Variants in CNNM3 observed in about 807,000 individuals in gnomAD.
The protein encoded by CNNM3 is metal transporter CNNM3.
In CNNM3, 47 loss-of-function variants were observed where a neutral mutation model predicts 57.1. The observed-to-expected ratio is 0.82, with a 90% confidence interval of 0.65 to 1.05. The LOEUF is 1.05. Ranked by LOEUF, CNNM3 falls within the 50% of genes least tolerant of loss-of-function variation. The pLI is 0.00. For missense variants in CNNM3, 957 were observed against 973.7 expected (o/e 0.98, Z 0.23); for synonymous variants, 507 against 478.2 (o/e 1.06, Z -0.79).
At chr2:96,837,109 T>G (rs2079700026), downstream of CNNM3, 1 of 152,234 alleles carries the variant, frequency 6.6e-6, no homozygotes, top group African/African-American at 2.4e-5. Context: ...GCACTCTTGG[T>G]TCACATAGCT....
chr2:96,837,434 T>C (rs1193450508), downstream of CNNM3: 1 of 152,246 alleles, frequency 6.6e-6, no homozygotes, highest in African/African-American at 2.4e-5. Context: ...GTATTTCCCT[T>C]TTTCAGCAAT....
At chr2:96,825,691 G>A (rs1397130285) in intron 2 of CNNM3, among the ~76,000 whole-genome samples, 1 of 141,432 alleles carries the variant, frequency 7.1e-6, no homozygotes, top group East Asian at 1.9e-4. Context: ...TCACGAGATC[G>A]GGAGTTCGAG....
At chr2:96,826,734 TG>T in intron 2 of CNNM3, 98 bp from the exon 3 acceptor site, 1 of 1,441,996 alleles carries the variant, frequency 6.9e-7, no homozygotes, top group Non-Finnish European at 9.5e-7. Context: ...GAGGACCCCC[TG>T]GCCTCAGGAG....
Position 96,816,554 on chromosome 2 carries a change from C to G in CNNM3, c.277C>G (p.Pro93Ala). 1 of 1,321,680 alleles carries G rather than the reference C, an allele frequency of 7.6e-7. No homozygotes were observed. The highest frequency in any genetic ancestry group is 9.6e-7 in the Non-Finnish European group (1 of 1,039,086). The allele number at this position is 1,321,680 out of a possible 1,614,324, so 81.9% of individuals were successfully genotyped here. The change falls in exon 1 of 8, where the codon CCC becomes GCC. Residue 93 changes from proline (P) to alanine (A), a missense_variant. Physicochemically the swap from Pro to Ala is conservative, Grantham distance 27 (BLOSUM62 -1). Transcript: ENST00000305510. ...GAGCREEAASPAGEWRALLRL... is the reference protein window; with the variant it reads ...GAGCREEAASAAGEWRALLRL... Reference sequence around the variant, plus strand: ...GGGCTGCCGGGAGGAGGCGGCCTCCCCCGCGGGCGAGTGGCGCGCGCTGCT... The same window carrying G: ...GGGCTGCCGGGAGGAGGCGGCCTCCGCCGCGGGCGAGTGGCGCGCGCTGCT...
chr2:96,836,260 G>A (rs909891864), downstream of CNNM3, among the ~76,000 whole-genome samples: 6 of 91,480 alleles, frequency 6.6e-5, no homozygotes, highest in Non-Finnish European at 8.9e-5. Flanking sequence ...TTTTTTTTTT[G>A]AGATGTAGTT....
At chr2:96,825,246 A>G in intron 2 of CNNM3, 45 bp downstream of exon 2, 2 of 1,606,130 alleles carry the variant, frequency 1.2e-6, no homozygotes, top group Admixed American at 1.7e-5. Context: ...GGGCCTGCAC[A>G]CTTCCCCAGG....
rs754340520 is a variant in CNNM3 at position 96,825,208 on chromosome 2, C to A, written c.1369+7C>A. The A allele has an allele frequency of 1.3e-5, 21 of 1,613,874 alleles. No homozygotes were observed. The highest frequency in any genetic ancestry group is 3.3e-4 in the Middle Eastern group (2 of 6,060). ...GACGAGTCTGAAGACTACCGTGAGT[C>A]CAGACTCTTGGCAGTTCTGTCTCCG... is the stretch of plus-strand genomic sequence containing the variant. On this transcript the variant is annotated splice_region_variant and intron_variant, in intron 2 of 7. Transcript: ENST00000305510.
chr2:96,817,001 G>A lies in CNNM3; in HGVS notation c.724G>A (p.Ala242Thr). The A allele has an allele frequency of 4.4e-6, 6 of 1,367,994 alleles. No individual in the cohort carries two copies. Among genetic ancestry groups the A allele is most frequent in the East Asian group, 7.3e-5 (2 of 27,278 alleles). 84.7% of individuals were successfully genotyped at this position (1,367,994 alleles called of 1,614,324 possible). A position where few individuals can be genotyped will look rare whatever the true frequency, so the allele number is the denominator to read the frequency against. ...CCTGGTGGGAGAGGTGGTGCCGGCCGCCGTGAGCGGGCGCTGGACGCTGGC... is the reference window on the plus strand; with the variant it reads ...CCTGGTGGGAGAGGTGGTGCCGGCCACCGTGAGCGGGCGCTGGACGCTGGC... ...VFLVGEVVPAAVSGRWTLALA... is the reference protein window; with the variant it reads ...VFLVGEVVPATVSGRWTLALA... The change falls in exon 1 of 8, where the codon GCC becomes ACC. Residue 242 changes from alanine (A) to threonine (T), a missense_variant. Coordinates refer to ENST00000305510, the MANE Select transcript of CNNM3 (RefSeq NM_017623.5).
intron 1 of CNNM3, among the ~76,000 whole-genome samples, chr2:96,817,759 C>A (rs538126000): frequency 3.8e-4 from 58 of 151,946 alleles, no homozygotes; most frequent in Non-Finnish European, 1.9e-4. Flanking sequence ...AGCCCCCCCC[C>A]CCCATTTGCA....
chr2:96,832,618 G>A lies in CNNM3; in HGVS notation c.*2G>A, dbSNP rs765622730. On this transcript the variant is annotated 3_prime_UTR_variant, in exon 8 of 8. Transcript: ENST00000305510. Reference sequence around the variant, plus strand: ...CCTGGGCGGAACCCAGGCGTTTAACGGCTCACTAGGCAGCCCCAGATCTGG... The same window carrying A: ...CCTGGGCGGAACCCAGGCGTTTAACAGCTCACTAGGCAGCCCCAGATCTGG... The A allele has an allele frequency of 6.2e-6, 10 of 1,613,270 alleles. No homozygotes were observed. In the East Asian group the frequency reaches 1.3e-4, roughly 22 times the overall value.
intron 3 of CNNM3, 92 bp from the exon 4 acceptor site, chr2:96,827,639 C>A: frequency 7.5e-7 from 1 of 1,341,298 alleles, no homozygotes. Context: ...CCCTGGTGGG[C>A]ACAATAACTT....
At chr2:96,832,452 C>A in intron 7 of CNNM3, 100 bp from the exon 8 acceptor site, 1 of 1,583,032 alleles carries the variant, frequency 6.3e-7, no homozygotes. Context: ...AAGCACCTGT[C>A]TTAGCTGCCC....
In CNNM3 at chr2:96,828,409, C is replaced by T. The variant is rs145147588; in HGVS notation, c.1787-158C>T. 1.8e-4 allele frequency: 177 copies of T among 989,912 alleles called. No homozygotes were observed. The African/African-American group carries it at 1.9e-3, about 11-fold the overall frequency. 61.3% of individuals were successfully genotyped at this position (989,912 alleles called of 1,614,324 possible). A position where few individuals can be genotyped will look rare whatever the true frequency, so the allele number is the denominator to read the frequency against. On this transcript the variant is annotated intron_variant, in intron 5 of 7. Transcript: ENST00000305510. ...CACTCCACCCCTGCAAAACCTCTCC[C>T]GGCTGTGTTTGTCCTTCTCTCCCAG...
Position 96,817,361 on chromosome 2 carries a change from A to T in CNNM3, c.1084A>T (p.Met362Leu), listed in dbSNP as rs755850728. ...GGAGGAGCGCTCCAACATCGTGGACATGCTCTACCTCAAGGACTTGGCCTT... is the reference window on the plus strand; with the variant it reads ...GGAGGAGCGCTCCAACATCGTGGACTTGCTCTACCTCAAGGACTTGGCCTT... ...YEEERSNIVD[M>L]LYLKDLAFVD... The change falls in exon 1 of 8, where the codon ATG (methionine) becomes TTG (leucine). Residue 362 changes from methionine to leucine, a missense_variant. Met to Leu is a conservative substitution (Grantham distance 15, BLOSUM62 2). Transcript: ENST00000305510. 115 of 1,614,172 alleles carry T rather than the reference A, an allele frequency of 7.1e-5. 1 individual carries two copies. The South Asian group carries it at 1.2e-3, about 17-fold the overall frequency.
intron 2 of CNNM3, 129 bp from the exon 3 acceptor site, chr2:96,826,704 C>T (rs2079511695): frequency 9.4e-7 from 1 of 1,066,828 alleles, no homozygotes; most frequent in South Asian, 1.5e-5. Context: ...ATGTCCCTGG[C>T]GTTCCGATGC....
chr2:96,836,896 T>G (rs1052234094), downstream of CNNM3: 13 of 150,978 alleles, frequency 8.6e-5, no homozygotes, highest in African/African-American at 3.2e-4. Context: ...TTAATTTTTG[T>G]ATAATGTGTA....
chr2:96,822,245 C>T (rs576064669), intron 1 of CNNM3, among the ~76,000 whole-genome samples: 2 of 151,948 alleles, frequency 1.3e-5, no homozygotes, highest in East Asian at 1.9e-4. Context: ...CCTTATGATC[C>T]GCCCGTCTCG....
intron 1 of CNNM3, among the ~76,000 whole-genome samples, chr2:96,819,647 T>G (rs2079377889): frequency 6.6e-6 from 1 of 152,148 alleles, no homozygotes; most frequent in African/African-American, 2.4e-5. Flanking sequence ...GTCCTTTTGG[T>G]GTTCAAAGCA....
At chr2:96,835,470 T>TC (rs1433143552), downstream of CNNM3, among the ~76,000 whole-genome samples, 5 of 103,118 alleles carry the variant, frequency 4.8e-5, no homozygotes, top group African/African-American at 2.2e-4. Context: ...ACAATCAAAC[T>TC]TTTTTTTTTT....
Sources: gnomAD v4.1 joint callset for allele counts (sites outside exome capture counted in the v4.1 genomes callset) on GRCh38, gnomAD v4.1.1 for gene constraint, MANE v1.5 for transcripts, NCBI Gene and HGNC (gene_info 2026-07-23, HGNC 2026-07-21) for gene names.